The following NSD1 variants were observed in gnomAD, a reference collection of about 807,000 sequenced individuals.
NSD1 encodes the protein histone-lysine N-methyltransferase, H3 lysine-36 specific.
A neutral mutation model predicts 242.7 loss-of-function variants in NSD1; 26 were observed. The observed-to-expected ratio is 0.11, with a 90% CI of 0.08 to 0.15. NSD1 has a LOEUF of 0.15. Among genes scored for constraint, NSD1 ranks in the 10% least tolerant of loss-of-function variants. The pLI, the probability that NSD1 is intolerant of heterozygous loss-of-function variation, is 1.00. For synonymous variants in NSD1, 1,106 were observed against 1,178.1 expected (o/e 0.94, Z 1.25); for missense variants, 2,495 against 3,272.8 (o/e 0.76, Z 5.80).
In NSD1 at chr5:177,145,212, AC is replaced by A. The variant is rs578222976; in HGVS notation, c.927+9186del. ...TAGAAATTGTCTCTTCTCTCTACAC[AC>A]CCCTTTTTTTCCCTTTTGGTTAATA... On this transcript the variant is annotated intron_variant, in intron 2 of 22. Coordinates refer to ENST00000439151, the MANE Select transcript of NSD1 (RefSeq NM_022455.5). Among the ~76,000 whole-genome samples the A allele has an allele frequency of 3.0e-3, 450 of 150,210 alleles. 1 individual carries two copies. The highest frequency in any genetic ancestry group is 5.6e-3 in the Non-Finnish European group (379 of 67,630).
chr5:177,247,817 A>G, intron 10 of NSD1: 1 of 686,580 alleles, frequency 1.5e-6, no homozygotes, highest in Non-Finnish European at 1.8e-6. Context: ...GTTTCTTTCC[A>G]GGACAATTTG....
intron 2 of NSD1, among the ~76,000 whole-genome samples, chr5:177,184,774 G>A (rs142304506): frequency 1.8e-3 from 268 of 152,162 alleles, no homozygotes; most frequent in African/African-American, 5.9e-3. Context: ...GGCCTCGAGC[G>A]ATCACCCACC....
chr5:177,284,612 C>T (rs1049547995), intron 20 of NSD1, among the ~76,000 whole-genome samples: 3 of 152,160 alleles, frequency 2.0e-5, no homozygotes, highest in Non-Finnish European at 2.9e-5. Context: ...AGCACAGTGT[C>T]TTCGGAACAT....
chr5:177,211,559 A>G lies in NSD1; in HGVS notation c.3160A>G (p.Arg1054Gly). 1.2e-6 allele frequency: 2 copies of G among 1,614,162 alleles called. No individual in the cohort carries two copies. The highest frequency in any genetic ancestry group is 1.7e-6 in the Non-Finnish European group (2 of 1,180,038). ...NRKALKTERK[R>G]KLNQLPSVTL... ...TAAAGCCTTAAAGACCGAGCGCAAA[A>G]GAAAACTGAATCAGCTTCCAAGTGT... Residue 1054 changes from arginine (R) to glycine (G), a missense_variant, in exon 5 of 23, where the codon AGA (arginine) becomes GGA (glycine). By Grantham distance (125) the Arg-to-Gly change is moderately radical (BLOSUM62 -2). Around this residue, in one of 19 missense-constraint regions of NSD1, gnomAD observed 426 missense variants for 411.4 expected, o/e 1.04. Transcript: ENST00000439151.
At chr5:177,275,648 TGG>T (rs1407127567) in intron 17 of NSD1, among the ~76,000 whole-genome samples, 3 of 151,930 alleles carry the variant, frequency 2.0e-5, no homozygotes, top group Admixed American at 1.3e-4. Flanking sequence ...TTAGCCAGGA[TGG>T]TCTCGATCTC....
Position 177,211,999 on chromosome 5 carries a change from G to A in NSD1, c.3600G>A (p.Arg1200=), listed in dbSNP as rs2149848976. Residue 1200 remains arginine, a synonymous_variant, in exon 5 of 23, where the codon CGG becomes CGA. Coordinates refer to ENST00000439151, the MANE Select transcript of NSD1 (RefSeq NM_022455.5). ...CTAGTGACCCTGTGCAGGAGGGGCGGGATGAGTTTCCAGAGCATAGAACTC... is the reference window on the plus strand; with the variant it reads ...CTAGTGACCCTGTGCAGGAGGGGCGAGATGAGTTTCCAGAGCATAGAACTC... ...LLPSDPVQEG[R]DEFPEHRTPS... 1 of 1,613,750 alleles carries A rather than the reference G, an allele frequency of 6.2e-7. No homozygotes were observed.
chr5:177,186,943 A>G (rs1173709643), intron 2 of NSD1, among the ~76,000 whole-genome samples: 4 of 152,038 alleles, frequency 2.6e-5, no homozygotes, highest in Non-Finnish European at 5.9e-5. Flanking sequence ...CAACAATCAA[A>G]AAGAAAATGG....
chr5:177,199,057 C>G (rs948624277), intron 3 of NSD1, among the ~76,000 whole-genome samples: 9 of 152,326 alleles, frequency 5.9e-5, no homozygotes, highest in African/African-American at 1.9e-4. Flanking sequence ...AAGCGATACA[C>G]ATTAAATAGA....
chr5:177,243,910 C>CT (rs1406147617), intron 8 of NSD1, among the ~76,000 whole-genome samples: 1 of 151,982 alleles, frequency 6.6e-6, no homozygotes, highest in African/African-American at 2.4e-5. Flanking sequence ...TCAGGCTGGT[C>CT]TTTAACTCTC....
chr5:177,279,604 T>A (rs1758679766), intron 17 of NSD1, among the ~76,000 whole-genome samples: 1 of 145,610 alleles, frequency 6.9e-6, no homozygotes, highest in African/African-American at 2.6e-5. Flanking sequence ...CTTATCAGCT[T>A]TGAAAATTTT....
chr5:177,196,262 A>G (rs533035506), intron 3 of NSD1, among the ~76,000 whole-genome samples: 2 of 152,296 alleles, frequency 1.3e-5, no homozygotes, highest in South Asian at 4.1e-4. Flanking sequence ...TATCTCAGAA[A>G]CAATGTATAT....
At chr5:177,142,440 G>T (rs1053420129) in intron 2 of NSD1, among the ~76,000 whole-genome samples, 3 of 152,200 alleles carry the variant, frequency 2.0e-5, no homozygotes, top group African/African-American at 2.4e-5. Flanking sequence ...AGTACTTTGG[G>T]AGTGTGGAGG....
At chr5:177,153,575 G>C (rs1757899191) in intron 2 of NSD1, among the ~76,000 whole-genome samples, 1 of 151,780 alleles carries the variant, frequency 6.6e-6, no homozygotes, top group Admixed American at 6.6e-5. Context: ...TGTCTCATTG[G>C]ATATAAATAT....
rs774868314 is a variant in NSD1 at position 177,212,097 on chromosome 5, G to T, written c.3698G>T (p.Arg1233Leu). ...GACTGCTTAGATTCAGCTGGGCCAC[G>T]GTTAAATGTTTGTGATAAATCCAGT... ...HADCLDSAGP[R>L]LNVCDKSSAS... is the part of the protein sequence containing the mutation. Residue 1233 changes from arginine to leucine, a missense_variant, in exon 5 of 23, where the codon CGG (arginine) becomes CTG (leucine). Coordinates refer to ENST00000439151, the MANE Select transcript of NSD1 (RefSeq NM_022455.5). The T allele has an allele frequency of 6.2e-7, 1 of 1,614,050 alleles. No homozygotes were observed. Among genetic ancestry groups the T allele is most frequent in the Non-Finnish European group, 8.5e-7 (1 of 1,180,018 alleles).
chr5:177,185,735 A>T (rs1438662190), intron 2 of NSD1, among the ~76,000 whole-genome samples: 4 of 108,474 alleles, frequency 3.7e-5, no homozygotes, highest in Admixed American at 1.4e-4. Context: ...TATTATATAT[A>T]TTTTATATAT....
chr5:177,226,582 A>G lies in NSD1; in HGVS notation c.3797-9239A>G, dbSNP rs540287207. On this transcript the variant is annotated intron_variant, in intron 5 of 22. Coordinates refer to ENST00000439151, the MANE Select transcript of NSD1 (RefSeq NM_022455.5). The stretch of plus-strand genomic sequence containing the variant: ...TGAGAGATCCTCCTGCCTCAGCCAA[A>G]TAGCTGGGACCACAGCCGTGTACTA... Among the ~76,000 whole-genome samples the G allele has an allele frequency of 5.3e-5, 8 of 152,264 alleles. No homozygotes were observed. In the East Asian group the frequency reaches 1.5e-3, roughly 29 times the overall value.
At chr5:177,215,663 C>T (rs529235603) in intron 5 of NSD1, among the ~76,000 whole-genome samples, 74 of 151,580 alleles carry the variant, frequency 4.9e-4, no homozygotes, top group African/African-American at 1.7e-3. Context: ...CCCCAGCCTC[C>T]CAAGTAGCTG....
At chr5:177,224,552 ACTCAT>A (rs1183073920) in intron 5 of NSD1, among the ~76,000 whole-genome samples, 1 of 151,334 alleles carries the variant, frequency 6.6e-6, no homozygotes. Context: ...ACTTTGCTGA[ACTCAT>A]CTCTGTTAAT....
chr5:177,159,968 C>A (rs1758604901), intron 2 of NSD1, among the ~76,000 whole-genome samples: 1 of 152,080 alleles, frequency 6.6e-6, no homozygotes, highest in African/African-American at 2.4e-5. Context: ...TAGCTCACTG[C>A]AACCTCTGCC....
Sources: gnomAD v4.1 joint callset for allele counts (sites outside exome capture counted in the v4.1 genomes callset) on GRCh38, gnomAD v4.1.1 for gene constraint, gnomAD v4.1.1 regional missense constraint, MANE v1.5 for transcripts, NCBI Gene and HGNC (gene_info 2026-07-23, HGNC 2026-07-21) for gene names.